Variants in CCN4 observed in about 807,000 individuals in gnomAD.
CCN4 encodes CCN family member 4.
Under a neutral mutation model 36.7 loss-of-function variants are expected in CCN4, and 30 were observed. The ratio of observed to expected loss-of-function variants is 0.82; its 90% CI spans 0.61 to 1.11. The LOEUF (loss-of-function observed/expected upper bound fraction) is 1.11, where lower values mean the gene tolerates loss of function less well. Ranked by LOEUF, CCN4 falls within the 50% of genes least tolerant of loss-of-function variation. CCN4 has a pLI of 0.00. For synonymous variants in CCN4, 191 were observed against 195.4 expected (o/e 0.98, Z 0.19); for missense variants, 505 against 504.9 (o/e 1.00, Z 0.00).
intron 1 of CCN4, among the ~76,000 whole-genome samples, chr8:133,195,276 GGTGT>G (rs1042986708): frequency 6.7e-6 from 1 of 149,266 alleles, no homozygotes; most frequent in Non-Finnish European, 1.5e-5. Flanking sequence ...GTGTGTGGGT[GGTGT>G]GTGTGTGTTG....
In CCN4 at chr8:133,220,765, C is replaced by T. The variant is rs1564265366; in HGVS notation, c.534C>T (p.His178=). 5.6e-6 allele frequency: 9 copies of T among 1,613,240 alleles called. No individual in the cohort carries two copies. Among genetic ancestry groups the T allele is most frequent in the Non-Finnish European group, 7.6e-6 (9 of 1,179,970 alleles). Residue 178 remains histidine, a synonymous_variant, in exon 3 of 5, where the codon CAC becomes CAT. Coordinates refer to ENST00000250160, the MANE Select transcript of CCN4 (RefSeq NM_003882.4). ...PHPRRVSIPG[H]CCEQWVCEDD... ...CGCGGCGCGTGAGCATACCTGGCCA[C>T]TGCTGTGAGCAGTGGGTATGTGAGG...
rs1854923225 is a variant in CCN4, at chr8:133,230,634, TTC to T, written c.*2926_*2927del. On this transcript the variant is annotated 3_prime_UTR_variant, in exon 5 of 5. Coordinates refer to ENST00000250160, the MANE Select transcript of CCN4 (RefSeq NM_003882.4). ...TCTGTGGTCCCTTGTTAACTATATG[TTC>T]TGAGACAAAGGAAAGCTACCCTAAG... 1 of 152,212 alleles carries T rather than the reference TTC, an allele frequency of 6.6e-6. No individual in the cohort carries two copies. The highest frequency in any genetic ancestry group is 1.5e-5 in the Non-Finnish European group (1 of 68,028). 9.4% of individuals were successfully genotyped at this position (152,212 alleles called of 1,614,324 possible). A position where few individuals can be genotyped will look rare whatever the true frequency, so the allele number is the denominator to read the frequency against.
intron 4 of CCN4, among the ~76,000 whole-genome samples, chr8:133,226,657 G>A (rs773541758): frequency 3.3e-5 from 5 of 152,214 alleles, no homozygotes; most frequent in African/African-American, 4.8e-5. Flanking sequence ...ACTGGACCAC[G>A]TAATGCAAGT....
At chr8:133,203,074 C>A (rs895670214) in intron 1 of CCN4, among the ~76,000 whole-genome samples, 25 of 152,210 alleles carry the variant, frequency 1.6e-4, no homozygotes, top group Non-Finnish European at 3.4e-4. Flanking sequence ...CTCAACCCTG[C>A]CCCCTGGTGG....
chr8:133,226,503 TA>T (rs1854740947), intron 4 of CCN4, among the ~76,000 whole-genome samples: 2 of 152,232 alleles, frequency 1.3e-5, no homozygotes, highest in African/African-American at 4.8e-5. Flanking sequence ...TTTTTCCCTG[TA>T]ATACTAGCTT....
intron 1 of CCN4, among the ~76,000 whole-genome samples, chr8:133,205,051 G>C (rs1056268515): frequency 9.9e-5 from 15 of 152,214 alleles, no homozygotes; most frequent in Admixed American, 7.2e-4. Context: ...CATAGTACCT[G>C]GGTAGCTAGG....
intron 1 of CCN4, among the ~76,000 whole-genome samples, chr8:133,195,562 A>C (rs1033696507): frequency 6.6e-6 from 1 of 152,018 alleles, no homozygotes; most frequent in Non-Finnish European, 1.5e-5. Context: ...GGGCTCCCTG[A>C]AGCCCCTGCT....
chr8:133,199,953 C>T (rs1853527536), intron 1 of CCN4, among the ~76,000 whole-genome samples: 1 of 152,112 alleles, frequency 6.6e-6, no homozygotes, highest in Non-Finnish European at 1.5e-5. Context: ...AAAACTGAGG[C>T]GCCGAGAGTT....
At chr8:133,214,110 TAGTAGTTATATATAACTACTATATAAC>T (rs1314950736) in intron 2 of CCN4, among the ~76,000 whole-genome samples, 4 of 137,854 alleles carry the variant, frequency 2.9e-5, no homozygotes, top group Non-Finnish European at 6.1e-5. Flanking sequence ...ATAGTATATA[TAGTAGTTATATATAACTACTATATAAC>T]AGTAGTTATA....
At chr8:133,211,522 G>A (rs529680457) in intron 1 of CCN4, among the ~76,000 whole-genome samples, 87 of 152,260 alleles carry the variant, frequency 5.7e-4, no homozygotes, top group African/African-American at 2.0e-3. Flanking sequence ...CTGTCTCTTC[G>A]GGTCTTGCCT....
intron 1 of CCN4, among the ~76,000 whole-genome samples, chr8:133,209,264 G>T (rs1422309712): frequency 6.6e-6 from 1 of 152,188 alleles, no homozygotes; most frequent in Non-Finnish European, 1.5e-5. Context: ...CCAAATCCTA[G>T]GTAAGCGTCT....
Position 133,227,935 on chromosome 8 carries a change from G to C in CCN4, c.*225G>C. ...GCATCTACTCTAAAGAAAAATGCCT[G>C]TCTCTAGCTGTTCTGGACTACACCC... On this transcript the variant is annotated 3_prime_UTR_variant, in exon 5 of 5. Transcript: ENST00000250160. 1 of 543,080 alleles carries C rather than the reference G, an allele frequency of 1.8e-6. No homozygotes were observed. The highest frequency in any genetic ancestry group is 3.1e-5 in the East Asian group (1 of 32,650). The allele number at this position is 543,080 out of a possible 1,614,324, so 33.6% of individuals were successfully genotyped here.
Position 133,227,447 on chromosome 8 carries a change from G to C in CCN4, c.841G>C (p.Ala281Pro). 1 of 1,614,066 alleles carries C rather than the reference G, an allele frequency of 6.2e-7. No homozygotes were observed. ...GTGTCTGGCTGTGTACCAGCCAGAG[G>C]CATCCATGAACTTCACACTTGCGGG... ...KKCLAVYQPE[A>P]SMNFTLAGCI... Residue 281 changes from alanine to proline, a missense_variant, in exon 5 of 5, where the codon GCA becomes CCA. Physicochemically the swap from Ala to Pro is conservative, Grantham distance 27 (BLOSUM62 -1). Coordinates refer to ENST00000250160, the MANE Select transcript of CCN4 (RefSeq NM_003882.4).
At chr8:133,192,768 G>C (rs1313607050) in intron 1 of CCN4, among the ~76,000 whole-genome samples, 1 of 152,244 alleles carries the variant, frequency 6.6e-6, no homozygotes, top group Admixed American at 6.5e-5. Flanking sequence ...GGGCAGAGGA[G>C]GCGAGAGGTT....
intron 3 of CCN4, among the ~76,000 whole-genome samples, chr8:133,221,524 A>G (rs1854527217): frequency 6.6e-6 from 1 of 152,080 alleles, no homozygotes; most frequent in African/African-American, 2.4e-5. Flanking sequence ...GAGTGGATGG[A>G]TAGATGACGG....
chr8:133,218,587 A>G (rs1243695367), intron 2 of CCN4, among the ~76,000 whole-genome samples: 3 of 152,224 alleles, frequency 2.0e-5, no homozygotes, highest in African/African-American at 7.2e-5. Context: ...CATGCCTGCT[A>G]GACATTAGGA....
chr8:133,230,749 C>T lies in CCN4; in HGVS notation c.*3039C>T, dbSNP rs990541355. On this transcript the variant is annotated 3_prime_UTR_variant, in exon 5 of 5. Transcript: ENST00000250160. Reference sequence around the variant, plus strand: ...TTAGGTGTGCAAAAGGGAAGGAGACCTGAATTCACCAAGTTAAATCTTGCT... The same window carrying T: ...TTAGGTGTGCAAAAGGGAAGGAGACTTGAATTCACCAAGTTAAATCTTGCT... 1 of 152,224 alleles carries T rather than the reference C, an allele frequency of 6.6e-6. No individual in the cohort carries two copies. The highest frequency in any genetic ancestry group is 1.5e-5 in the Non-Finnish European group (1 of 68,044). The allele number at this position is 152,224 out of a possible 1,614,324, so 9.4% of individuals were successfully genotyped here.
chr8:133,218,696 A>C (rs1588201090), intron 2 of CCN4, among the ~76,000 whole-genome samples: 1 of 152,116 alleles, frequency 6.6e-6, no homozygotes, highest in African/African-American at 2.4e-5. Context: ...GTGGCCACTC[A>C]TGATGTCCGG....
chr8:133,191,694 C>CA (rs1286874673), intron 1 of CCN4, among the ~76,000 whole-genome samples: 9 of 151,630 alleles, frequency 5.9e-5, no homozygotes, highest in East Asian at 1.9e-4. Flanking sequence ...TGGAAAAAGC[C>CA]AAAAAAAATT....
Sources: gnomAD v4.1 joint callset for allele counts (sites outside exome capture counted in the v4.1 genomes callset) on GRCh38, gnomAD v4.1.1 for gene constraint, MANE v1.5 for transcripts, NCBI Gene and HGNC (gene_info 2026-07-23, HGNC 2026-07-21) for gene names.